The following GNAL variants were observed in gnomAD, a reference collection of about 807,000 sequenced individuals.
The protein encoded by GNAL is G protein subunit alpha L.
A neutral mutation model predicts 55.1 loss-of-function variants in GNAL; 18 were observed. That is an observed-to-expected ratio of 0.33 (90% CI 0.23 to 0.48). The LOEUF is 0.48. Among genes scored for constraint, GNAL ranks in the 20% least tolerant of loss-of-function variants. The probability of loss-of-function intolerance (pLI) is 0.99; values close to 1 mark genes in which losing one functional copy is unlikely to be tolerated. For synonymous variants in GNAL, 253 were observed against 237.0 expected (o/e 1.07, Z -0.62); for missense variants, 412 against 614.1 (o/e 0.67, Z 3.48).
At chr18:11,810,789 C>T (rs760417487) in intron 4 of GNAL, 2 of 152,388 alleles carry the variant, frequency 1.3e-5, no homozygotes, top group African/African-American at 2.4e-5. Context: ...GTTCCATCCA[C>T]GCTGGCTATA....
At chr18:11,812,686 A>C (rs1488014217) in intron 4 of GNAL, among the ~76,000 whole-genome samples, 1 of 152,040 alleles carries the variant, frequency 6.6e-6, no homozygotes, top group Non-Finnish European at 1.5e-5. Context: ...TCTACTAAAA[A>C]TACAAAAATT....
At chr18:11,759,355 G>GT (rs2033164282) in intron 4 of GNAL, among the ~76,000 whole-genome samples, 1 of 152,208 alleles carries the variant, frequency 6.6e-6, no homozygotes, top group Non-Finnish European at 1.5e-5. Flanking sequence ...TATTTTGCTA[G>GT]TTTTTTCTAA....
chr18:11,859,381 G>T (rs58678946), intron 5 of GNAL, among the ~76,000 whole-genome samples: 3,278 of 152,242 alleles, frequency 0.022, 123 homozygotes, highest in African/African-American at 0.074. Flanking sequence ...CTCCTTTGTT[G>T]CTGGATGGTC....
chr18:11,809,443 A>G (rs1264849087), intron 4 of GNAL, among the ~76,000 whole-genome samples: 2 of 152,222 alleles, frequency 1.3e-5, no homozygotes, highest in Non-Finnish European at 2.9e-5. Flanking sequence ...GTTGAATTGT[A>G]TGGTATATAA....
chr18:11,806,063 C>A (rs945306184), intron 4 of GNAL, among the ~76,000 whole-genome samples: 6 of 152,148 alleles, frequency 3.9e-5, no homozygotes, highest in South Asian at 4.1e-4. Flanking sequence ...GATGATATCT[C>A]ACTGTGGTTT....
In GNAL at chr18:11,689,299, C is replaced by A; in HGVS notation, c.-265C>A. 1 of 301,240 alleles carries A rather than the reference C, an allele frequency of 3.3e-6. No individual in the cohort carries two copies. Among genetic ancestry groups the A allele is most frequent in the East Asian group, 5.4e-5 (1 of 18,534 alleles). The allele number at this position is 301,240 out of a possible 1,614,324, so 18.7% of individuals were successfully genotyped here. A position where few individuals can be genotyped will look rare whatever the true frequency, so the allele number is the denominator to read the frequency against. The stretch of plus-strand genomic sequence containing the variant: ...TCCGCTCTGGGCGTTAGCAAGTGAT[C>A]TCCAGCCAAGGCGGCCGCCACCCCT... On this transcript the variant is annotated 5_prime_UTR_variant, in exon 1 of 12. Transcript: ENST00000334049.
At chr18:11,691,644 G>T (rs1207039092) in intron 1 of GNAL, among the ~76,000 whole-genome samples, 1 of 151,850 alleles carries the variant, frequency 6.6e-6, no homozygotes, top group East Asian at 1.9e-4. Context: ...TGTATAAGGT[G>T]TAAGGAAGGG....
chr18:11,753,407 A>T lies in GNAL; in HGVS notation c.450-221A>T, dbSNP rs116512316. The T allele has an allele frequency of 6.5e-3, 3,272 of 503,144 alleles. 84 individuals carry two copies. Among genetic ancestry groups the T allele is most frequent in the African/African-American group, 0.053 (2,725 of 51,048 alleles). The allele number at this position is 503,144 out of a possible 1,614,324, so 31.2% of individuals were successfully genotyped here. A position where few individuals can be genotyped will look rare whatever the true frequency, so the allele number is the denominator to read the frequency against. The stretch of plus-strand genomic sequence containing the variant: ...TAGTTGTTTAAAGCTATAGATTTTT[A>T]AAAAAATGTGTGCATTCAAGTTTGT... On this transcript the variant is annotated intron_variant, in intron 2 of 11. Coordinates refer to ENST00000334049, the MANE Select transcript of GNAL (RefSeq NM_182978.4).
chr18:11,851,774 T>C, intron 5 of GNAL: 2 of 1,613,974 alleles, frequency 1.2e-6, no homozygotes, highest in Non-Finnish European at 1.7e-6. Context: ...ATGGGCAAGG[T>C]GACCAAGTCG....
chr18:11,705,924 T>C lies in GNAL; in HGVS notation c.376+15985T>C, dbSNP rs117910127. Among the ~76,000 whole-genome samples, 622 of 151,728 alleles carry C rather than the reference T, an allele frequency of 4.1e-3. 20 individuals carry two copies. The East Asian group carries it at 0.068, about 17-fold the overall frequency. ...GCTCCTGCCAGCATGCCTGGGAAAA[T>C]TTTGTATTTTAGTAGAAGCAGGGTT... On this transcript the variant is annotated intron_variant, in intron 1 of 11. Transcript: ENST00000334049.
intron 1 of GNAL, among the ~76,000 whole-genome samples, chr18:11,701,356 C>T (rs919889161): frequency 2.6e-5 from 4 of 151,956 alleles, no homozygotes; most frequent in Non-Finnish European, 5.9e-5. Context: ...TTTGAGAGGC[C>T]GAGGCGGGTG....
At chr18:11,720,993 CAGCAAA>C (rs1054378786) in intron 1 of GNAL, among the ~76,000 whole-genome samples, 5 of 152,296 alleles carry the variant, frequency 3.3e-5, no homozygotes, top group Non-Finnish European at 7.4e-5. Flanking sequence ...AACAGGTCTT[CAGCAAA>C]AGCCAATTTT....
chr18:11,797,442 T>A (rs2034419469), intron 4 of GNAL, among the ~76,000 whole-genome samples: 1 of 152,114 alleles, frequency 6.6e-6, no homozygotes, highest in South Asian at 2.1e-4. Flanking sequence ...TCTGAGTGAA[T>A]TTAGAAAACA....
intron 4 of GNAL, among the ~76,000 whole-genome samples, chr18:11,785,874 A>T (rs1248830687): frequency 6.6e-6 from 1 of 152,170 alleles, no homozygotes; most frequent in Non-Finnish European, 1.5e-5. Context: ...GCTTCCGCCC[A>T]CCTTCCTCCC....
chr18:11,880,868 C>T (rs1374724825), intron 11 of GNAL, 121 bp from the exon 12 acceptor site: 3 of 998,640 alleles, frequency 3.0e-6, no homozygotes, highest in Non-Finnish European at 4.5e-6. Flanking sequence ...CTAAGTGCTC[C>T]CATGCAAAAC....
At chr18:11,849,550 G>A (rs181903417) in intron 5 of GNAL, among the ~76,000 whole-genome samples, 100 of 151,364 alleles carry the variant, frequency 6.6e-4, no homozygotes, top group African/African-American at 2.1e-3. Context: ...AAACTATGGA[G>A]CATGACATGG....
intron 10 of GNAL, among the ~76,000 whole-genome samples, chr18:11,873,104 C>T (rs960178628): frequency 6.6e-6 from 1 of 152,234 alleles, no homozygotes; most frequent in Admixed American, 6.5e-5. Context: ...TTCCAGTGAA[C>T]ACCAGGTCTA....
At chr18:11,861,989 C>CACACACACACA (rs1555615384) in intron 5 of GNAL, among the ~76,000 whole-genome samples, 1 of 150,204 alleles carries the variant, frequency 6.7e-6, no homozygotes. Context: ...CACACACACA[C>CACACACACACA]AACATCTGGA....
intron 8 of GNAL, among the ~76,000 whole-genome samples, chr18:11,867,614 A>G (rs957913114): frequency 6.6e-6 from 1 of 151,770 alleles, no homozygotes; most frequent in Non-Finnish European, 1.5e-5. Flanking sequence ...GGAGATCGAG[A>G]CCATCCTGGC....
Sources: gnomAD v4.1 joint callset for allele counts (sites outside exome capture counted in the v4.1 genomes callset) on GRCh38, gnomAD v4.1.1 for gene constraint, MANE v1.5 for transcripts, NCBI Gene and HGNC (gene_info 2026-07-23, HGNC 2026-07-21) for gene names.